Variants in TMEFF2 observed in about 807,000 individuals in gnomAD.
TMEFF2 encodes the protein tomoregulin-2.
Under a neutral mutation model 53.8 loss-of-function variants are expected in TMEFF2, and 28 were observed. The observed-to-expected ratio is 0.52, with a 90% CI of 0.39 to 0.71. The LOEUF is 0.71. TMEFF2 is among the 30% of genes least tolerant of loss of function. TMEFF2 has a pLI of 0.00. For missense variants in TMEFF2, 353 were observed against 455.2 expected, an observed-to-expected ratio of 0.78 and a Z score of 2.04; for synonymous variants, 162 against 166.3, an observed-to-expected ratio of 0.97 and a Z score of 0.20.
At chr2:192,067,860 A>G (rs145949671) in intron 4 of TMEFF2, among the ~76,000 whole-genome samples, 3 of 151,990 alleles carry the variant, frequency 2.0e-5, no homozygotes, top group African/African-American at 7.2e-5. Context: ...CCACGGTAGT[A>G]GTTGAGATCT....
chr2:192,114,127 T>C (rs959121025), intron 4 of TMEFF2, among the ~76,000 whole-genome samples: 4 of 149,464 alleles, frequency 2.7e-5, no homozygotes, highest in African/African-American at 9.8e-5. Context: ...TAACCAATAA[T>C]AAACATCTTT....
chr2:192,169,656 T>G (rs971977925), intron 4 of TMEFF2, among the ~76,000 whole-genome samples: 4 of 152,102 alleles, frequency 2.6e-5, no homozygotes, highest in African/African-American at 9.7e-5. Flanking sequence ...TTAGGAGGCT[T>G]TTTTCCAATG....
At chr2:192,035,272 T>A (rs1165715299) in intron 5 of TMEFF2, 1 of 152,058 alleles carries the variant, frequency 6.6e-6, no homozygotes, top group Admixed American at 6.6e-5. Context: ...AAGAGGAAAG[T>A]TTGCAGAGTT....
chr2:192,090,305 T>C (rs1004121570), intron 4 of TMEFF2, among the ~76,000 whole-genome samples: 1 of 152,160 alleles, frequency 6.6e-6, no homozygotes. Context: ...GTAGATTCTT[T>C]AGTGGAGTGA....
intron 5 of TMEFF2, among the ~76,000 whole-genome samples, chr2:192,030,907 A>C (rs1687116498): frequency 6.6e-6 from 1 of 152,140 alleles, no homozygotes; most frequent in Admixed American, 6.5e-5. Context: ...TAGAACAGAA[A>C]TACTGCAGGT....
intron 2 of TMEFF2, among the ~76,000 whole-genome samples, chr2:192,188,825 TTCTATCTATCTA>T (rs34743733): frequency 0.14 from 4,215 of 31,086 alleles, 95 homozygotes; most frequent in Middle Eastern, 0.2. Flanking sequence ...CTCCCCGCTT[TTCTATCTATCTA>T]TCTATCTATC....
intron 5 of TMEFF2, among the ~76,000 whole-genome samples, chr2:192,046,494 G>A (rs2105891388): frequency 6.6e-6 from 1 of 152,314 alleles, no homozygotes; most frequent in South Asian, 2.1e-4. Flanking sequence ...CATTTAATAT[G>A]TGGTGCTCTG....
intron 7 of TMEFF2, among the ~76,000 whole-genome samples, chr2:191,979,557 C>A (rs1685806927): frequency 6.6e-6 from 1 of 152,130 alleles, no homozygotes; most frequent in Non-Finnish European, 1.5e-5. Flanking sequence ...TCTCCCCTTC[C>A]CTGGAATTCA....
chr2:192,060,560 A>G (rs1688019302), intron 4 of TMEFF2, among the ~76,000 whole-genome samples: 4 of 152,172 alleles, frequency 2.6e-5, no homozygotes, highest in South Asian at 2.1e-4. Context: ...TTAGTTATAC[A>G]TATGTACGTA....
intron 3 of TMEFF2, among the ~76,000 whole-genome samples, chr2:192,180,116 C>CA (rs1388948700): frequency 4.6e-5 from 7 of 151,538 alleles, no homozygotes; most frequent in Non-Finnish European, 5.9e-5. Context: ...TTGCAAATTG[C>CA]ATATGAACAA....
At position 191,986,407 on chromosome 2, in the gene TMEFF2, A is replaced by G. The variant is rs527915702; in HGVS notation, c.745+11855T>C. On this transcript the variant is annotated intron_variant, in intron 7 of 9. Transcript: ENST00000272771. The stretch of plus-strand genomic sequence containing the variant: ...ACTGAATAAGATAAGCGATCCAATT[A>G]TGTCTGTGAGACTTTCCTCAATAAC... Among the ~76,000 whole-genome samples the G allele has an allele frequency of 2.6e-5, 4 of 152,324 alleles. 1 individual carries two copies. The highest frequency in any genetic ancestry group is 9.6e-5 in the African/African-American group (4 of 41,570).
intron 7 of TMEFF2, among the ~76,000 whole-genome samples, chr2:191,995,630 CTG>C (rs1229051894): frequency 4.6e-5 from 7 of 151,978 alleles, no homozygotes; most frequent in African/African-American, 1.7e-4. Flanking sequence ...ATTCAGGAAA[CTG>C]TAAATACTAT....
chr2:192,142,805 G>A (rs1188191540), intron 4 of TMEFF2, among the ~76,000 whole-genome samples: 2 of 152,084 alleles, frequency 1.3e-5, no homozygotes. Flanking sequence ...ATACACCTGT[G>A]AATAAGGAAA....
chr2:192,182,038 T>C (rs1392167934), intron 3 of TMEFF2, among the ~76,000 whole-genome samples: 1 of 151,786 alleles, frequency 6.6e-6, no homozygotes, highest in Non-Finnish European at 1.5e-5. Flanking sequence ...TCTGAGCTCC[T>C]AGTTAATGCA....
intron 5 of TMEFF2, among the ~76,000 whole-genome samples, chr2:192,041,249 A>T (rs376576682): frequency 6.6e-6 from 1 of 152,210 alleles, no homozygotes; most frequent in Non-Finnish European, 1.5e-5. Context: ...ATATATTTTT[A>T]AAACTCTTAC....
chr2:192,083,837 A>C (rs999377802), intron 4 of TMEFF2, among the ~76,000 whole-genome samples: 2 of 151,850 alleles, frequency 1.3e-5, no homozygotes, highest in Non-Finnish European at 1.5e-5. Flanking sequence ...ATCTATTTTG[A>C]CTTAAGGTTC....
chr2:191,972,533 T>C (rs1692678416), intron 7 of TMEFF2, among the ~76,000 whole-genome samples: 1 of 151,700 alleles, frequency 6.6e-6, no homozygotes, highest in South Asian at 2.1e-4. Context: ...AAATTGATCA[T>C]TAAGGGGACA....
intron 4 of TMEFF2, among the ~76,000 whole-genome samples, chr2:192,133,073 G>T (rs1329262496): frequency 3.3e-5 from 5 of 151,962 alleles, no homozygotes; most frequent in African/African-American, 1.2e-4. Context: ...TGACGGCCAG[G>T]CTTCTAAACC....
chr2:192,041,283 C>A (rs878879071), intron 5 of TMEFF2, among the ~76,000 whole-genome samples: 1 of 152,102 alleles, frequency 6.6e-6, no homozygotes, highest in Non-Finnish European at 1.5e-5. Context: ...ATAGACAAAT[C>A]GCTGAATTTA....
Sources: gnomAD v4.1 joint callset for allele counts (sites outside exome capture counted in the v4.1 genomes callset) on GRCh38, gnomAD v4.1.1 for gene constraint, MANE v1.5 for transcripts, NCBI Gene and HGNC (gene_info 2026-07-23, HGNC 2026-07-21) for gene names.